Variants in OBSL1 observed in about 807,000 individuals in gnomAD.
OBSL1 encodes the protein obscurin like cytoskeletal adaptor 1, also known as obscurin-like protein 1.
A neutral mutation model predicts 172.0 loss-of-function variants in OBSL1; 160 were observed. That is an observed-to-expected ratio of 0.93 (90% confidence interval 0.82 to 1.06). The LOEUF (loss-of-function observed/expected upper bound fraction) is 1.06, where lower values mean the gene tolerates loss of function less well. Among genes scored for constraint, OBSL1 ranks in the 50% least tolerant of loss-of-function variants. The pLI is 0.00. For missense variants in OBSL1, 2,681 were observed against 2,715.4 expected, an observed-to-expected ratio of 0.99 and a Z score of 0.28; for synonymous variants, 1,200 against 1,196.3, an observed-to-expected ratio of 1.00 and a Z score of -0.06.
rs1321473082 is a variant in OBSL1, at chr2:219,567,825, G to C, written c.1427C>G (p.Ser476Ter). The C allele has an allele frequency of 6.2e-7, 1 of 1,613,854 alleles. No homozygotes were observed. The highest frequency in any genetic ancestry group is 1.7e-5 in the Admixed American group (1 of 60,008). The change falls in exon 3 of 21, where the codon TCA (serine) becomes TGA (stop). Residue 476 changes from serine to a stop codon, truncating the protein, a stop_gained. Transcript: ENST00000404537. LOFTEE classifies it high-confidence loss of function. Reference protein sequence around the residue: ...EELPVICQSSSGHMHALVLPG... With the variant: ...EELPVICQSS Reference sequence around the variant, plus strand: ...AAGGACCAGGGCATGCATGTGGCCTGAGCTGCTCTGGCAGATGACCGGCAG... The same window carrying C: ...AAGGACCAGGGCATGCATGTGGCCTCAGCTGCTCTGGCAGATGACCGGCAG...
In OBSL1 at chr2:219,568,596, G is replaced by C. The variant is rs942281213; in HGVS notation, c.1013-272C>G. Among the ~76,000 whole-genome samples the C allele has an allele frequency of 2.0e-5, 3 of 152,164 alleles. No homozygotes were observed. The highest frequency in any genetic ancestry group is 4.1e-4 in the South Asian group (2 of 4,826). On this transcript the variant is annotated intron_variant, in intron 1 of 20. Coordinates refer to ENST00000404537, the MANE Select transcript of OBSL1 (RefSeq NM_015311.3). The surrounding 1 kb of genome is among the most constrained non-coding windows in gnomAD (Gnocchi z 4.1). ...CTTACTTGTAAAATGGGGAAAGGGA[G>C]AGAAGGGGTTGGACCAGATTGATGA...
In OBSL1 at chr2:219,563,410, GC is replaced by G; in HGVS notation, c.2624del (p.Gly875AlafsTer44). 1 of 1,610,700 alleles carries G rather than the reference GC, an allele frequency of 6.2e-7. No homozygotes were observed. Among genetic ancestry groups the G allele is most frequent in the Non-Finnish European group, 8.5e-7 (1 of 1,177,628 alleles). On this transcript the variant is annotated frameshift_variant, in exon 7 of 21. Transcript: ENST00000404537. LOFTEE classifies it high-confidence loss of function. ...CATCTCCAGCGACGCACTGAAACTC[GC>G]CCCCGTCTGAGGGCTGGGTGGCGGG... ...VLPATQPSDG[G>X]EFQCVAGDEC... is the part of the protein sequence containing the mutation.
At chr2:219,547,731 C>G, downstream of OBSL1, 3 of 1,589,620 alleles carry the variant, frequency 1.9e-6, no homozygotes, top group Non-Finnish European at 2.6e-6. Context: ...CTGCTCGCAG[C>G]TGCTGCCCTG....
chr2:219,570,807 C>T lies in OBSL1; in HGVS notation c.426G>A (p.Gly142=). ...CCCGGCACGTCAGCACCACCTCCGC[C>T]CCCCGCAGCACCCACTGGGATCGAG... ...TGPRSQWVLR[G]AEVVLTCRAG... is the part of the protein sequence containing the mutation. Residue 142 remains glycine, a synonymous_variant, in exon 1 of 21, where the codon GGG becomes GGA. Coordinates refer to ENST00000404537, the MANE Select transcript of OBSL1 (RefSeq NM_015311.3). The T allele has an allele frequency of 3.4e-6, 5 of 1,491,766 alleles. No homozygotes were observed. Among genetic ancestry groups the T allele is most frequent in the South Asian group, 1.3e-5 (1 of 78,440 alleles). 92.4% of individuals were successfully genotyped at this position (1,491,766 alleles called of 1,614,324 possible). A position where few individuals can be genotyped will look rare whatever the true frequency, so the allele number is the denominator to read the frequency against.
intron 4 of OBSL1, 28 bp from the exon 5 acceptor site, chr2:219,567,154 A>G (rs776510762): frequency 6.2e-7 from 1 of 1,605,098 alleles, no homozygotes; most frequent in Admixed American, 1.7e-5. Flanking sequence ...TGCAGCTGTC[A>G]GAACTAGAAG....
At chr2:219,561,299 C>T (rs1696447239) in intron 8 of OBSL1, among the ~76,000 whole-genome samples, 1 of 152,066 alleles carries the variant, frequency 6.6e-6, no homozygotes, top group Non-Finnish European at 1.5e-5. Flanking sequence ...GCCCTATGGA[C>T]CCCCAGCCCC....
At position 219,551,800 on chromosome 2, in the gene OBSL1, TGGGGGTA is replaced by T; in HGVS notation, c.5414-9_5414-3del. The T allele has an allele frequency of 6.4e-7, 1 of 1,557,964 alleles. No homozygotes were observed. The highest frequency in any genetic ancestry group is 8.7e-7 in the Non-Finnish European group (1 of 1,146,014). On this transcript the variant is annotated splice_region_variant and splice_polypyrimidine_tract_variant and intron_variant, in intron 19 of 20. Transcript: ENST00000404537. ...GGCGGCACATCTGGAGAGGCAATGC[TGGGGGTA>T]GGGGGCGGGGGCTTAAGTTAATAGG...
rs374019271 is a variant in OBSL1 at position 219,567,373 on chromosome 2, G to T, written c.1737C>A (p.Gly579=). The T allele has an allele frequency of 9.9e-5, 160 of 1,612,788 alleles. 1 individual carries two copies. In the South Asian group the frequency reaches 1.6e-3, roughly 16 times the overall value. ...IEKAGAVEVP[G]DCVPSEGDYR... ...AGTCACCCTCGGAGGGCACACAGTC[G>T]CCCGGCACCTCCACGGCTCCGGCTT... The change falls in exon 4 of 21, where the codon GGC becomes GGA. Residue 579 remains glycine (G), a synonymous_variant. Transcript: ENST00000404537.
chr2:219,552,389 G>A (rs1039185780), intron 18 of OBSL1, 147 bp downstream of exon 18: 24 of 868,774 alleles, frequency 2.8e-5, no homozygotes, highest in Non-Finnish European at 7.0e-6. Context: ...AGGGGCTGGG[G>A]GCGGGGGAAA....
At chr2:219,551,930 C>T in intron 19 of OBSL1, 132 bp from the exon 20 acceptor site, 1 of 867,084 alleles carries the variant, frequency 1.2e-6, no homozygotes, top group Admixed American at 2.4e-5. Flanking sequence ...TCCCTTGCAC[C>T]TCAGACCCAA....
At position 219,551,276 on chromosome 2, in the gene OBSL1, G is replaced by A. The variant is rs76963428; in HGVS notation, c.5683+253C>T. The A allele has an allele frequency of 8.6e-3, 12,025 of 1,406,040 alleles. 789 individuals carry two copies. The African/African-American group carries it at 0.15, about 17-fold the overall frequency. 87.1% of individuals were successfully genotyped at this position (1,406,040 alleles called of 1,614,324 possible). On this transcript the variant is annotated intron_variant, in intron 20 of 20. Coordinates refer to ENST00000404537, the MANE Select transcript of OBSL1 (RefSeq NM_015311.3). Reference sequence around the variant, plus strand: ...ACAAACATGGTCCAGTGGCAGGAGAGAGGAGAAGCCTGGCAAGAAGGGGCG... The same window carrying A: ...ACAAACATGGTCCAGTGGCAGGAGAAAGGAGAAGCCTGGCAAGAAGGGGCG...
intron 18 of OBSL1, 91 bp downstream of exon 18, chr2:219,552,445 G>T: frequency 1.5e-6 from 2 of 1,360,380 alleles, no homozygotes; most frequent in Non-Finnish European, 2.0e-6. Flanking sequence ...GCCCGTCGGA[G>T]CCAGGGGCGG....
At position 219,571,203 on chromosome 2, in the gene OBSL1, G is replaced by C; in HGVS notation, c.30C>G (p.Ser10Arg). ...GCGGGAAGCGCAGGAAGCACGGGGG[G>C]CTCCCCTGATCCCCCGAGCTCGCCT... MKASSGDQGSPPCFLRFPRP... is the reference protein window; with the variant it reads MKASSGDQGRPPCFLRFPRP... Residue 10 changes from serine (S) to arginine (R), a missense_variant, in exon 1 of 21, where the codon AGC becomes AGG. Physicochemically the swap from Ser to Arg is moderately radical, Grantham distance 110. Coordinates refer to ENST00000404537, the MANE Select transcript of OBSL1 (RefSeq NM_015311.3). 3 of 1,442,854 alleles carry C rather than the reference G, an allele frequency of 2.1e-6. No homozygotes were observed. The highest frequency in any genetic ancestry group is 2.7e-6 in the Non-Finnish European group (3 of 1,096,454). The allele number at this position is 1,442,854 out of a possible 1,614,324, so 89.4% of individuals were successfully genotyped here.
intron 8 of OBSL1, 124 bp from the exon 9 acceptor site, chr2:219,559,621 C>G: frequency 1.2e-6 from 1 of 842,910 alleles, no homozygotes; most frequent in Admixed American, 2.6e-5. Flanking sequence ...TAATAATAAG[C>G]AATAATAGGT....
At chr2:219,552,065 G>T in intron 19 of OBSL1, 47 bp downstream of exon 19, 1 of 1,510,052 alleles carries the variant, frequency 6.6e-7, no homozygotes, top group Non-Finnish European at 9.0e-7. Flanking sequence ...CCCATGGCAG[G>T]AGAGACAGGA....
intron 6 of OBSL1, among the ~76,000 whole-genome samples, chr2:219,564,892 A>G (rs1696767811): frequency 6.6e-6 from 1 of 152,150 alleles, no homozygotes; most frequent in South Asian, 2.1e-4. Flanking sequence ...ACATAGTGAA[A>G]CCGTCTCTAC....
chr2:219,558,408 A>C lies in OBSL1; in HGVS notation c.3278T>G (p.Phe1093Cys), dbSNP rs754353021. The change falls in exon 10 of 21, where the codon TTT (phenylalanine) becomes TGT (cysteine). Residue 1093 changes from phenylalanine (F) to cysteine (C), a missense_variant. Around this residue, in one of 5 missense-constraint regions of OBSL1, gnomAD observed 1,765 missense variants for 1,748.3 expected, o/e 1.01. Transcript: ENST00000404537. The stretch of plus-strand genomic sequence containing the variant: ...CAGCTCCACGCGCCCTGGAGCCCCA[A>C]AATGCAGATCCAGGGAGCGGGCTGC... ...HPAARSLDLHFGAPGRVELRC... is the reference protein window; with the variant it reads ...HPAARSLDLHCGAPGRVELRC... 4 of 1,603,582 alleles carry C rather than the reference A, an allele frequency of 2.5e-6. No individual in the cohort carries two copies. The highest frequency in any genetic ancestry group is 3.4e-6 in the Non-Finnish European group (4 of 1,176,334).
Position 219,568,145 on chromosome 2 carries a change from T to C in OBSL1, c.1192A>G (p.Ile398Val), listed in dbSNP as rs780794791. 2 of 1,613,790 alleles carry C rather than the reference T, an allele frequency of 1.2e-6. No individual in the cohort carries two copies. The highest frequency in any genetic ancestry group is 1.7e-6 in the Non-Finnish European group (2 of 1,179,880). Reference protein sequence around the residue: ...QIEEGTVRRLIIHRLKADDDG... With the variant: ...QIEEGTVRRLVIHRLKADDDG... ...TCGTCTGCCTTCAGCCTGTGGATGA[T>C]GAGGCGCCGGACAGTGCCCTCTTCG... The change falls in exon 2 of 21, where the codon ATC becomes GTC. Residue 398 changes from isoleucine (I) to valine (V), a missense_variant. Ile to Val is a conservative substitution (Grantham distance 29, BLOSUM62 3). This residue lies in a region of OBSL1 where 706 missense variants were observed against 695.8 expected (regional missense o/e 1.01). Transcript: ENST00000404537. The surrounding 1 kb of genome is among the most constrained non-coding windows in gnomAD (Gnocchi z 4.1).
At chr2:219,555,511 C>T in intron 14 of OBSL1, 1 of 471,062 alleles carries the variant, frequency 2.1e-6, no homozygotes, top group South Asian at 9.0e-5. Context: ...AACTCCTGGC[C>T]TCAAGGGATC....
Sources: allele counts gnomAD v4.1 joint callset (sites outside exome capture counted in the v4.1 genomes callset), GRCh38; gene constraint gnomAD v4.1.1; regional missense constraint gnomAD v4.1.1; non-coding constraint Gnocchi (gnomAD v3.1); transcripts MANE v1.5; gene names NCBI Gene and HGNC (gene_info 2026-07-23, HGNC 2026-07-21).